Variants in AFF3 observed in about 807,000 individuals in gnomAD.
AFF3 encodes the protein AF4/FMR2 family member 3.
In AFF3, 32 loss-of-function variants were observed where a neutral mutation model predicts 129.7. The ratio of observed to expected loss-of-function variants is 0.25; its 90% CI spans 0.19 to 0.33. The LOEUF (loss-of-function observed/expected upper bound fraction) is 0.33, where lower values mean the gene tolerates loss of function less well. Among genes scored for constraint, AFF3 ranks in the 10% least tolerant of loss-of-function variants. The pLI, the probability that AFF3 is intolerant of heterozygous loss-of-function variation, is 1.00. For missense variants in AFF3, 1,373 were observed against 1,592.0 expected (o/e 0.86, Z 2.34); for synonymous variants, 644 against 635.4 (o/e 1.01, Z -0.20).
intron 13 of AFF3, among the ~76,000 whole-genome samples, chr2:99,622,873 T>A (rs1682166384): frequency 6.6e-6 from 1 of 152,124 alleles, no homozygotes. Flanking sequence ...AGACATGTAC[T>A]GGAGACAGTC....
chr2:100,065,741 T>C (rs1028417074), intron 4 of AFF3, among the ~76,000 whole-genome samples: 1 of 152,224 alleles, frequency 6.6e-6, no homozygotes, highest in Non-Finnish European at 1.5e-5. Context: ...AAATCTATTC[T>C]CAAAAGATAT....
chr2:99,877,617 A>G (rs568922390), intron 7 of AFF3, among the ~76,000 whole-genome samples: 1 of 152,372 alleles, frequency 6.6e-6, no homozygotes, highest in South Asian at 2.1e-4. Flanking sequence ...CACAAAACAC[A>G]TGAAGCCAGG....
intron 1 of AFF3, among the ~76,000 whole-genome samples, chr2:100,133,205 G>A (rs1692495976): frequency 1.3e-5 from 2 of 151,918 alleles, no homozygotes; most frequent in African/African-American, 4.8e-5. Context: ...GTTGGAGGCT[G>A]CAGTGAACTG....
chr2:99,587,413 G>A, intron 15 of AFF3, 135 bp from the exon 16 acceptor site: 1 of 999,252 alleles, frequency 1.0e-6, no homozygotes, highest in Middle Eastern at 2.2e-4. Context: ...AGCCTGAGCA[G>A]CTGTGCCCCT....
At chr2:100,116,598 C>A (rs1691745378) in intron 2 of AFF3, among the ~76,000 whole-genome samples, 1 of 152,026 alleles carries the variant, frequency 6.6e-6, no homozygotes, top group Non-Finnish European at 1.5e-5. Flanking sequence ...TTTTTATTTT[C>A]TTCCAGGAAA....
intron 1 of AFF3, among the ~76,000 whole-genome samples, chr2:100,138,993 T>G (rs976055096): frequency 1.3e-5 from 2 of 150,522 alleles, no homozygotes; most frequent in Non-Finnish European, 1.5e-5. Flanking sequence ...ACAACTGAGT[T>G]GAAGTTATGC....
intron 7 of AFF3, among the ~76,000 whole-genome samples, chr2:99,976,160 A>C (rs894212147): frequency 1.3e-5 from 2 of 152,196 alleles, no homozygotes; most frequent in Non-Finnish European, 2.9e-5. Context: ...TTCAGAAATG[A>C]AAAAGTATTT....
intron 8 of AFF3, among the ~76,000 whole-genome samples, chr2:99,828,171 T>A (rs753193990): frequency 2.0e-5 from 3 of 152,092 alleles, no homozygotes; most frequent in Non-Finnish European, 4.4e-5. Context: ...TGGGAACAAT[T>A]GGGAGAAAAG....
chr2:99,757,261 C>A (rs1353996888), intron 8 of AFF3, among the ~76,000 whole-genome samples: 1 of 152,180 alleles, frequency 6.6e-6, no homozygotes, highest in African/African-American at 2.4e-5. Flanking sequence ...GTCTACTGAG[C>A]CACTCAACCT....
chr2:100,012,730 C>T (rs1014507289), intron 4 of AFF3, among the ~76,000 whole-genome samples: 3 of 152,208 alleles, frequency 2.0e-5, no homozygotes, highest in Admixed American at 1.3e-4. Context: ...TTTCGCCTGA[C>T]AAGCTGAAAG....
At chr2:99,926,598 C>A (rs1446483666) in intron 7 of AFF3, among the ~76,000 whole-genome samples, 1 of 152,066 alleles carries the variant, frequency 6.6e-6, no homozygotes, top group Non-Finnish European at 1.5e-5. Flanking sequence ...GGGACAATTT[C>A]AATTGTGATT....
At chr2:99,652,911 G>A (rs1241203818) in intron 12 of AFF3, among the ~76,000 whole-genome samples, 2 of 152,184 alleles carry the variant, frequency 1.3e-5, no homozygotes, top group Non-Finnish European at 2.9e-5. Context: ...GATAAGGAGA[G>A]CTGAGGGAGC....
At chr2:100,106,289 T>G (rs1332815966) in intron 2 of AFF3, 2 of 1,172,986 alleles carry the variant, frequency 1.7e-6, no homozygotes, top group African/African-American at 3.2e-5. Context: ...AGCTGATAAC[T>G]CTCAGCCCTC....
At chr2:99,672,498 T>G (rs1553425605) in intron 12 of AFF3, 40 bp downstream of exon 12, 1 of 1,594,832 alleles carries the variant, frequency 6.3e-7, no homozygotes, top group South Asian at 1.1e-5. Flanking sequence ...CTGTTACCAG[T>G]GTCACCTCCA....
chr2:99,829,907 A>G (rs1688385367), intron 8 of AFF3, among the ~76,000 whole-genome samples: 1 of 152,216 alleles, frequency 6.6e-6, no homozygotes, highest in Non-Finnish European at 1.5e-5. Context: ...TAGACTGGAT[A>G]AAGAAAATGT....
rs150406576 is a variant in AFF3 at position 99,623,022 on chromosome 2, C to T, written c.1185-21401G>A. Among the ~76,000 whole-genome samples the T allele has an allele frequency of 1.6e-3, 251 of 152,130 alleles. 1 individual carries two copies. Among genetic ancestry groups the T allele is most frequent in the East Asian group, 8.9e-3 (46 of 5,170 alleles). On this transcript the variant is annotated intron_variant, in intron 13 of 24. Coordinates refer to ENST00000672756, the MANE Select transcript of AFF3 (RefSeq NM_001386135.1). Reference sequence around the variant, plus strand: ...GAGTTCCCAGGAGACTTTTGGTGGTCGAAGGGAGAGAGGACAGGAGGAAGG... The same window carrying T: ...GAGTTCCCAGGAGACTTTTGGTGGTTGAAGGGAGAGAGGACAGGAGGAAGG...
intron 4 of AFF3, among the ~76,000 whole-genome samples, chr2:100,076,283 G>A (rs939708142): frequency 7.9e-5 from 12 of 152,116 alleles, no homozygotes; most frequent in African/African-American, 2.9e-4. Flanking sequence ...TGTCACCCTT[G>A]AGATAGTAAG....
At chr2:99,560,282 A>G (rs1675349252) in intron 21 of AFF3, 83 bp downstream of exon 21, 1 of 1,453,638 alleles carries the variant, frequency 6.9e-7, no homozygotes, top group South Asian at 1.2e-5. Flanking sequence ...ACATTGGGCA[A>G]ACACTATGCC....
At chr2:99,932,652 A>G (rs1674135951) in intron 7 of AFF3, among the ~76,000 whole-genome samples, 2 of 152,146 alleles carry the variant, frequency 1.3e-5, no homozygotes, top group Admixed American at 1.3e-4. Context: ...AATTTTGTTC[A>G]TCTCTGTCCA....
Sources: gnomAD v4.1 joint callset for allele counts (sites outside exome capture counted in the v4.1 genomes callset) on GRCh38, gnomAD v4.1.1 for gene constraint, MANE v1.5 for transcripts, NCBI Gene and HGNC (gene_info 2026-07-23, HGNC 2026-07-21) for gene names.